The following SLC25A25 variants were observed in gnomAD, a reference collection of about 807,000 sequenced individuals.
SLC25A25 encodes solute carrier family 25 member 25.
In SLC25A25, 32 loss-of-function variants were observed where a neutral mutation model predicts 57.7. The ratio of observed to expected loss-of-function variants is 0.55; its 90% CI spans 0.42 to 0.74. The LOEUF is 0.74. SLC25A25 is among the 30% of genes least tolerant of loss of function. The probability of loss-of-function intolerance (pLI) is 0.00; values close to 1 mark genes in which losing one functional copy is unlikely to be tolerated. For missense variants in SLC25A25, 556 were observed against 701.3 expected, an observed-to-expected ratio of 0.79 and a Z score of 2.34; for synonymous variants, 306 against 291.2, an observed-to-expected ratio of 1.05 and a Z score of -0.52.
chr9:128,088,923 G>A (rs141198477), intron 1 of SLC25A25, among the ~76,000 whole-genome samples: 1 of 152,148 alleles, frequency 6.6e-6, no homozygotes, highest in Non-Finnish European at 1.5e-5. Flanking sequence ...ATTCATTAAA[G>A]GATTTATTTA....
intron 1 of SLC25A25, among the ~76,000 whole-genome samples, chr9:128,071,060 C>T (rs1832898227): frequency 6.6e-6 from 1 of 152,204 alleles, no homozygotes. Context: ...GCATTGCTGC[C>T]AGGCACATTG....
At chr9:128,080,227 T>C (rs1428108502) in intron 1 of SLC25A25, among the ~76,000 whole-genome samples, 1 of 126,188 alleles carries the variant, frequency 7.9e-6, no homozygotes, top group Non-Finnish European at 1.6e-5. Flanking sequence ...TGATACCCCA[T>C]CTAAAAAAAA....
chr9:128,068,609 G>A (rs1832833468), intron 1 of SLC25A25, 29 bp downstream of exon 1: 1 of 1,404,734 alleles, frequency 7.1e-7, no homozygotes, highest in Non-Finnish European at 9.2e-7. Context: ...CAGCACTGGC[G>A]GGGAGGGAGC....
At position 128,105,775 on chromosome 9, in the gene SLC25A25, C is replaced by T. The variant is rs369203375; in HGVS notation, c.830C>T (p.Thr277Ile). 9.3e-6 allele frequency: 15 copies of T among 1,613,938 alleles called. No homozygotes were observed. The highest frequency in any genetic ancestry group is 1.2e-5 in the Non-Finnish European group (14 of 1,180,056). Residue 277 changes from threonine (T) to isoleucine (I), a missense_variant, in exon 7 of 11, where the codon ACT (threonine) becomes ATT (isoleucine). Transcript: ENST00000373069. ...AACATGGGCATCGTTGGTGGCTTCA[C>T]TCAGATGATTCGAGAAGGAGGGGCC... ...SNNMGIVGGFTQMIREGGARS... is the reference protein window; with the variant it reads ...SNNMGIVGGFIQMIREGGARS...
intron 1 of SLC25A25, chr9:128,091,235 G>A: frequency 5.9e-6 from 1 of 169,082 alleles, no homozygotes; most frequent in Non-Finnish European, 1.2e-5. Flanking sequence ...AGTTACTTTT[G>A]CTACGGAGCC....
At position 128,108,665 on chromosome 9, in the gene SLC25A25, A is replaced by G. The variant is rs1416409025; in HGVS notation, c.*1221A>G. On this transcript the variant is annotated 3_prime_UTR_variant, in exon 11 of 11. Transcript: ENST00000373069. ...CAAGCCCGCCCAGTGGGATGGGAGG[A>G]GGAGGAGAAGGGGGGCCTTGGGCCG... 2 of 153,864 alleles carry G rather than the reference A, an allele frequency of 1.3e-5. No individual in the cohort carries two copies. The highest frequency in any genetic ancestry group is 2.9e-5 in the Non-Finnish European group (2 of 69,256). The allele number at this position is 153,864 out of a possible 1,614,324, so 9.5% of individuals were successfully genotyped here. A position where few individuals can be genotyped will look rare whatever the true frequency, so the allele number is the denominator to read the frequency against.
At chr9:128,087,510 C>T (rs139578207) in intron 1 of SLC25A25, among the ~76,000 whole-genome samples, 2 of 152,204 alleles carry the variant, frequency 1.3e-5, no homozygotes, top group East Asian at 1.9e-4. Context: ...ACTGGTGTTC[C>T]GAAATTTAGT....
In SLC25A25 at chr9:128,101,340, C is replaced by T; in HGVS notation, c.420C>T (p.Ser140=). ...TTGACGCGCAGGAGATCATGCAGTC[C>T]CTGCGGGACTTGGGAGTCAAGATAT... ...GRIDAQEIMQ[S]LRDLGVKISE... is the part of the protein sequence containing the mutation. The change falls in exon 3 of 11, where the codon TCC becomes TCT. Residue 140 remains serine (S), a synonymous_variant. Transcript: ENST00000373069. This position sits in a 1 kb window ranked among gnomAD's most constrained non-coding sequence, Gnocchi z 4.9. 1.2e-6 allele frequency: 2 copies of T among 1,614,238 alleles called. No individual in the cohort carries two copies. The highest frequency in any genetic ancestry group is 1.7e-6 in the Non-Finnish European group (2 of 1,180,052).
At chr9:128,070,584 A>G (rs547784397) in intron 1 of SLC25A25, among the ~76,000 whole-genome samples, 1 of 151,824 alleles carries the variant, frequency 6.6e-6, no homozygotes, top group Non-Finnish European at 1.5e-5. Context: ...TAATGTTTCC[A>G]GTCAGTTTTA....
intron 1 of SLC25A25, among the ~76,000 whole-genome samples, chr9:128,073,821 A>G (rs1013093890): frequency 7.3e-5 from 11 of 150,112 alleles, no homozygotes; most frequent in South Asian, 2.1e-4. Context: ...TGAAACCTCT[A>G]CCTCCCCGGT....
chr9:128,098,271 C>T (rs1279549580), intron 1 of SLC25A25: 1 of 279,270 alleles, frequency 3.6e-6, no homozygotes, highest in Non-Finnish European at 6.6e-6. Flanking sequence ...CACCACCCGG[C>T]CTCTTCTCCA....
At position 128,107,343 on chromosome 9, in the gene SLC25A25, A is replaced by G. The variant is rs762527775; in HGVS notation, c.1447A>G (p.Arg483Gly). The G allele has an allele frequency of 6.5e-7, 1 of 1,528,492 alleles. No homozygotes were observed. The highest frequency in any genetic ancestry group is 1.8e-4 in the Middle Eastern group (1 of 5,656). The allele number at this position is 1,528,492 out of a possible 1,614,324, so 94.7% of individuals were successfully genotyped here. The change falls in exon 11 of 11, where the codon AGG becomes GGG. Residue 483 changes from arginine (R) to glycine (G), a missense_variant. By Grantham distance (125) the Arg-to-Gly change is moderately radical. Around this residue, in one of 3 missense-constraint regions of SLC25A25, gnomAD observed 294 missense variants for 389.6 expected, o/e 0.75. Transcript: ENST00000373069. ...GACCGAGGGGGCCTTCGGGCTGTAC[A>G]GGGGGCTGGCCCCCAACTTCATGAA... The part of the protein sequence containing the change: ...LRTEGAFGLY[R>G]GLAPNFMKVI...
chr9:128,082,484 G>A (rs937219606), intron 1 of SLC25A25, among the ~76,000 whole-genome samples: 15 of 152,182 alleles, frequency 9.9e-5, no homozygotes, highest in Admixed American at 2.6e-4. Context: ...TCATTCCAGC[G>A]GAGACTGACA....
chr9:128,098,428 A>G (rs1298057186), intron 1 of SLC25A25: 1 of 1,388,972 alleles, frequency 7.2e-7, no homozygotes, highest in Non-Finnish European at 9.3e-7. Context: ...TCTTTTTTCA[A>G]TTAAGTAAAA....
At chr9:128,106,631 G>T (rs765366904) in intron 9 of SLC25A25, 111 bp downstream of exon 9, 2 of 1,308,258 alleles carry the variant, frequency 1.5e-6, no homozygotes, top group Non-Finnish European at 1.0e-6. Flanking sequence ...CAAAGACTGC[G>T]CCTCCTTCCT....
chr9:128,069,215 T>A (rs1832847727), intron 1 of SLC25A25, among the ~76,000 whole-genome samples: 1 of 152,142 alleles, frequency 6.6e-6, no homozygotes, highest in Non-Finnish European at 1.5e-5. Context: ...TTTCTAAAAG[T>A]CAAAGCGAGA....
At chr9:128,073,489 A>G (rs541397344) in intron 1 of SLC25A25, among the ~76,000 whole-genome samples, 1 of 152,128 alleles carries the variant, frequency 6.6e-6, no homozygotes, top group Non-Finnish European at 1.5e-5. Context: ...AGACTGTTGA[A>G]CTCTATACTT....
At position 128,068,455 on chromosome 9, in the gene SLC25A25, CA is replaced by C; in HGVS notation, c.137del (p.His46ProfsTer56). 6.4e-7 allele frequency: 1 copy of C among 1,556,592 alleles called. No homozygotes were observed. Among genetic ancestry groups the C allele is most frequent in the Non-Finnish European group, 8.6e-7 (1 of 1,161,944 alleles). Reference protein sequence around the residue: ...CGGAICGGPDHRLRLWRLFQT... With the variant: ...CGGAICGGPDXRLRLWRLFQT... Reference sequence around the variant, plus strand: ...CGGCGCTATCTGCGGGGGCCCGGACCACCGGCTGCGCCTGTGGAGACTCTTT... The same window carrying C: ...CGGCGCTATCTGCGGGGGCCCGGACCCCGGCTGCGCCTGTGGAGACTCTTT... On this transcript the variant is annotated frameshift_variant, in exon 1 of 11. Transcript: ENST00000373069. LOFTEE classifies it high-confidence loss of function.
rs375698904 is a variant in SLC25A25, at chr9:128,107,362, T to A, written c.1466T>A (p.Phe489Tyr). 1 of 1,515,566 alleles carries A rather than the reference T, an allele frequency of 6.6e-7. No homozygotes were observed. The highest frequency in any genetic ancestry group is 8.8e-7 in the Non-Finnish European group (1 of 1,130,616). The allele number at this position is 1,515,566 out of a possible 1,614,324, so 93.9% of individuals were successfully genotyped here. A position where few individuals can be genotyped will look rare whatever the true frequency, so the allele number is the denominator to read the frequency against. ...FGLYRGLAPN[F>Y]MKVIPAVSIS... ...CTGTACAGGGGGCTGGCCCCCAACT[T>A]CATGAAGGTCATCCCAGCTGTGAGC... The change falls in exon 11 of 11, where the codon TTC becomes TAC. Residue 489 changes from phenylalanine (F) to tyrosine (Y), a missense_variant. Physicochemically the swap from Phe to Tyr is conservative, Grantham distance 22. Around this residue, in one of 3 missense-constraint regions of SLC25A25, gnomAD observed 294 missense variants for 389.6 expected, o/e 0.75. Transcript: ENST00000373069.
Sources: gnomAD v4.1 joint callset for allele counts (sites outside exome capture counted in the v4.1 genomes callset) on GRCh38, gnomAD v4.1.1 for gene constraint, gnomAD v4.1.1 regional missense constraint, Gnocchi (gnomAD v3.1) non-coding constraint, MANE v1.5 for transcripts, NCBI Gene and HGNC (gene_info 2026-07-23, HGNC 2026-07-21) for gene names.